DROSHA: variants seen among roughly 807,000 people sequenced by gnomAD.
The protein encoded by DROSHA is ribonuclease 3.
Under a neutral mutation model 181.9 loss-of-function variants are expected in DROSHA, and 56 were observed. That is an observed-to-expected ratio of 0.31 (90% CI 0.25 to 0.38). The LOEUF is 0.38. Among genes scored for constraint, DROSHA ranks in the 10% least tolerant of loss-of-function variants. The pLI is 1.00. For synonymous variants in DROSHA, 524 were observed against 591.2 expected (o/e 0.89, Z 1.65); for missense variants, 1,218 against 1,743.5 (o/e 0.70, Z 5.37).
At chr5:31,465,860 A>T (rs977484799) in intron 19 of DROSHA, among the ~76,000 whole-genome samples, 1 of 152,158 alleles carries the variant, frequency 6.6e-6, no homozygotes, top group Non-Finnish European at 1.5e-5. Context: ...CCAAAAGCCA[A>T]GCAGATGCTG....
intron 16 of DROSHA, among the ~76,000 whole-genome samples, chr5:31,477,334 A>C (rs1750502287): frequency 6.6e-6 from 1 of 152,224 alleles, no homozygotes; most frequent in African/African-American, 2.4e-5. Flanking sequence ...TTTAAGAAAT[A>C]CAAAAATATT....
intron 25 of DROSHA, among the ~76,000 whole-genome samples, chr5:31,433,286 T>C (rs1744392610): frequency 6.6e-6 from 1 of 152,216 alleles, no homozygotes; most frequent in Admixed American, 6.5e-5. Flanking sequence ...GCAAATGCAA[T>C]AGCAGAAAAT....
chr5:31,415,827 T>G (rs1468585522), intron 30 of DROSHA, among the ~76,000 whole-genome samples: 2 of 152,216 alleles, frequency 1.3e-5, no homozygotes, highest in African/African-American at 2.4e-5. Context: ...CATCCTGGCC[T>G]GTGTAAACAC....
intron 5 of DROSHA, among the ~76,000 whole-genome samples, chr5:31,522,694 G>C (rs747766443): frequency 6.6e-6 from 1 of 152,130 alleles, no homozygotes; most frequent in Non-Finnish European, 1.5e-5. Flanking sequence ...TAGTTCTCCA[G>C]TAGCTACACA....
At chr5:31,403,669 GCAGA>G (rs938541529) in intron 35 of DROSHA, among the ~76,000 whole-genome samples, 9 of 152,050 alleles carry the variant, frequency 5.9e-5, no homozygotes, top group African/African-American at 2.2e-4. Context: ...ATTTTTATTG[GCAGA>G]CAGACACACC....
At chr5:31,479,059 C>G (rs1029286056) in intron 16 of DROSHA, among the ~76,000 whole-genome samples, 1 of 151,956 alleles carries the variant, frequency 6.6e-6, no homozygotes, top group Admixed American at 6.6e-5. Context: ...TCCATCCATA[C>G]TATAAAATGC....
At chr5:31,466,064 AT>A in intron 19 of DROSHA, 117 bp downstream of exon 19, 5 of 1,072,812 alleles carry the variant, frequency 4.7e-6, no homozygotes, top group Non-Finnish European at 6.7e-6. Context: ...GTAAAGTATG[AT>A]TTTTTTAAAA....
rs1162854256 is a variant in DROSHA at position 31,526,456 on chromosome 5, G to A, written c.477C>T (p.Val159=). The A allele has an allele frequency of 6.2e-7, 1 of 1,609,604 alleles. No individual in the cohort carries two copies. Residue 159 remains valine (V), a synonymous_variant, in exon 5 of 36, where the codon GTC becomes GTT. Transcript: ENST00000344624. ...PSMPHPPPPP[V]MPQQVNYQYP... ...ACTGATAATTAACCTGCTGCGGCAT[G>A]ACTGGAGGGGGCGGGGGATGAGGCA... is the stretch of plus-strand genomic sequence containing the variant.
chr5:31,484,310 C>T (rs1243935763), intron 15 of DROSHA, among the ~76,000 whole-genome samples: 4 of 137,946 alleles, frequency 2.9e-5, no homozygotes, highest in African/African-American at 1.1e-4. Context: ...GGAAGCGGAG[C>T]TTGCAGTGAG....
intron 30 of DROSHA, among the ~76,000 whole-genome samples, chr5:31,414,585 C>T (rs1047482755): frequency 1.3e-5 from 2 of 152,134 alleles, no homozygotes; most frequent in Non-Finnish European, 2.9e-5. Context: ...CTAGCTCTCA[C>T]GATTGTTTTG....
chr5:31,446,446 C>CAA lies in DROSHA; in HGVS notation c.2882+2099_2882+2100dup, dbSNP rs60001713. On this transcript the variant is annotated intron_variant, in intron 23 of 35. Coordinates refer to ENST00000344624, the MANE Select transcript of DROSHA (RefSeq NM_001382508.1). ...TGGGCGACAGAGCGAGACTCTGTCT[C>CAA]AAAAAAAAAAAAAAAAAAAAGATTC... 1.2e-3 allele frequency among the ~76,000 whole-genome samples: 72 copies of CAA among 59,258 alleles called. 2 individuals carry two copies. Among genetic ancestry groups the CAA allele is most frequent in the African/African-American group, 1.0e-3 (19 of 18,262 alleles). The allele number at this position is 59,258 out of a possible 152,430, so 38.9% of individuals were successfully genotyped here.
intron 17 of DROSHA, among the ~76,000 whole-genome samples, chr5:31,471,275 A>T (rs1335211915): frequency 6.6e-6 from 1 of 152,222 alleles, no homozygotes; most frequent in Non-Finnish European, 1.5e-5. Context: ...AGCTTTGTTA[A>T]GTAGATTATT....
At chr5:31,467,065 C>A (rs1337809794) in intron 18 of DROSHA, 1 of 151,134 alleles carries the variant, frequency 6.6e-6, no homozygotes, top group African/African-American at 2.4e-5. Context: ...CCTTTCTTGG[C>A]CTTAGCTGGG....
intron 27 of DROSHA, among the ~76,000 whole-genome samples, chr5:31,427,438 A>T (rs1743620387): frequency 1.3e-5 from 2 of 152,220 alleles, no homozygotes. Context: ...TGCTGTTTAC[A>T]GGGCTGAGAA....
chr5:31,428,079 T>C (rs1442518611), intron 27 of DROSHA, among the ~76,000 whole-genome samples: 1 of 152,186 alleles, frequency 6.6e-6, no homozygotes, highest in South Asian at 2.1e-4. Flanking sequence ...ACGCTGCACA[T>C]GCCAGCATTG....
At chr5:31,428,313 G>A (rs1743729842) in intron 27 of DROSHA, among the ~76,000 whole-genome samples, 1 of 152,050 alleles carries the variant, frequency 6.6e-6, no homozygotes, top group South Asian at 2.1e-4. Context: ...AAAGGGTGCT[G>A]GGGGACACAC....
chr5:31,403,738 T>C (rs1423274114), intron 35 of DROSHA, among the ~76,000 whole-genome samples: 1 of 152,202 alleles, frequency 6.6e-6, no homozygotes, highest in African/African-American at 2.4e-5. Context: ...TGGGCTGCAA[T>C]GGCAGAGTTG....
At position 31,526,529 on chromosome 5, in the gene DROSHA, G is replaced by A. The variant is rs990663334; in HGVS notation, c.404C>T (p.Ala135Val). The A allele has an allele frequency of 1.3e-6, 2 of 1,568,034 alleles. No individual in the cohort carries two copies. Among genetic ancestry groups the A allele is most frequent in the Non-Finnish European group, 1.7e-6 (2 of 1,156,416 alleles). ...GGGGAAAGTGCCTTGTCCAGGAGGT[G>A]CCCCAGGGACTGGGGGGTTATTAGG... ...PCPNNPPVPGAPPGQGTFPFM... is the reference protein window; with the variant it reads ...PCPNNPPVPGVPPGQGTFPFM... The change falls in exon 5 of 36, where the codon GCA becomes GTA. Residue 135 changes from alanine to valine, a missense_variant. Physicochemically the swap from Ala to Val is moderately conservative, Grantham distance 64 (BLOSUM62 0). Around this residue, in one of 8 missense-constraint regions of DROSHA, gnomAD observed 536 missense variants for 535.4 expected, o/e 1.00. Transcript: ENST00000344624.
At chr5:31,419,953 T>A (rs895982425) in intron 30 of DROSHA, among the ~76,000 whole-genome samples, 5 of 152,218 alleles carry the variant, frequency 3.3e-5, no homozygotes, top group Admixed American at 2.6e-4. Context: ...TAAAAACTGT[T>A]AACTTTAAAT....
Sources: allele counts gnomAD v4.1 joint callset (sites outside exome capture counted in the v4.1 genomes callset), GRCh38; gene constraint gnomAD v4.1.1; regional missense constraint gnomAD v4.1.1; transcripts MANE v1.5; gene names NCBI Gene and HGNC (gene_info 2026-07-23, HGNC 2026-07-21).